The following MSRA variants were observed in gnomAD, a reference collection of about 807,000 sequenced individuals.
MSRA encodes the protein mitochondrial peptide methionine sulfoxide reductase.
A neutral mutation model predicts 31.3 loss-of-function variants in MSRA; 54 were observed. That is an observed-to-expected ratio of 1.73 (90% CI 1.39 to 2.17). MSRA has a LOEUF of 2.17. Among genes scored for constraint, MSRA ranks in the 30% most tolerant of loss-of-function variants. The pLI is 0.00. For synonymous variants in MSRA, 169 were observed against 116.5 expected (o/e 1.45, Z -2.90); for missense variants, 507 against 300.9 (o/e 1.69, Z -5.07).
At position 10,428,279 on chromosome 8, in the gene MSRA, C is replaced by A; in HGVS notation, c.675C>A (p.Thr225=). ...NPNGYCGLGG[T]GVSCPVGIKK ...ATGGCTACTGCGGCCTTGGGGGCACCGGCGTGTCCTGCCCAGTGGGTATTA... is the reference window on the plus strand; with the variant it reads ...ATGGCTACTGCGGCCTTGGGGGCACAGGCGTGTCCTGCCCAGTGGGTATTA... Residue 225 remains threonine (T), a synonymous_variant, in exon 6 of 6, where the codon ACC becomes ACA. Coordinates refer to ENST00000317173, the MANE Select transcript of MSRA (RefSeq NM_012331.5). 1 of 1,613,952 alleles carries A rather than the reference C, an allele frequency of 6.2e-7. No individual in the cohort carries two copies. Among genetic ancestry groups the A allele is most frequent in the Non-Finnish European group, 8.5e-7 (1 of 1,179,944 alleles).
intron 3 of MSRA, among the ~76,000 whole-genome samples, chr8:10,285,280 G>T (rs911990848): frequency 7.9e-5 from 12 of 152,192 alleles, no homozygotes; most frequent in Non-Finnish European, 1.5e-4. Context: ...CATTTAATTT[G>T]ACAGTATTTT....
At chr8:10,393,500 A>G (rs1806893034) in intron 5 of MSRA, among the ~76,000 whole-genome samples, 2 of 152,164 alleles carry the variant, frequency 1.3e-5, no homozygotes, top group Admixed American at 6.5e-5. Flanking sequence ...TCAGCATGTG[A>G]CGGTGTTTGC....
chr8:10,319,431 A>C (rs1801916360), intron 4 of MSRA, among the ~76,000 whole-genome samples: 1 of 152,156 alleles, frequency 6.6e-6, no homozygotes, highest in Non-Finnish European at 1.5e-5. Flanking sequence ...GCTATGTGCC[A>C]AGCACCGTGC....
At chr8:10,087,382 A>G (rs1798616136) in intron 1 of MSRA, among the ~76,000 whole-genome samples, 1 of 152,144 alleles carries the variant, frequency 6.6e-6, no homozygotes, top group African/African-American at 2.4e-5. Context: ...GAGCTCCATG[A>G]TGGCAGGGGC....
chr8:10,213,916 A>G (rs1809748506), intron 2 of MSRA, among the ~76,000 whole-genome samples: 3 of 152,098 alleles, frequency 2.0e-5, no homozygotes, highest in Admixed American at 1.3e-4. Context: ...TTTTTGGTGA[A>G]AGGTAAGATT....
intron 5 of MSRA, among the ~76,000 whole-genome samples, chr8:10,328,144 T>C (rs1209222979): frequency 6.7e-6 from 1 of 149,126 alleles, no homozygotes; most frequent in Non-Finnish European, 1.5e-5. Flanking sequence ...AACTGTCTAC[T>C]TGTTATCGCC....
intron 1 of MSRA, among the ~76,000 whole-genome samples, chr8:10,101,614 C>G (rs1039470370): frequency 2.0e-5 from 3 of 152,166 alleles, no homozygotes; most frequent in Non-Finnish European, 2.9e-5. Flanking sequence ...CTTCAGGTAC[C>G]TCATATAAGT....
intron 5 of MSRA, among the ~76,000 whole-genome samples, chr8:10,332,494 T>G (rs1306709303): frequency 6.6e-6 from 1 of 150,598 alleles, no homozygotes; most frequent in Non-Finnish European, 1.5e-5. Context: ...ATAAAATTCT[T>G]CTTAGTCCCT....
intron 1 of MSRA, among the ~76,000 whole-genome samples, chr8:10,159,548 A>G (rs1256516839): frequency 1.3e-5 from 2 of 152,232 alleles, no homozygotes; most frequent in Admixed American, 6.5e-5. Flanking sequence ...TTTTTACTCA[A>G]TATGGAATAC....
At chr8:10,188,132 A>G (rs2129052603) in intron 1 of MSRA, among the ~76,000 whole-genome samples, 2 of 152,376 alleles carry the variant, frequency 1.3e-5, no homozygotes, top group Admixed American at 1.3e-4. Flanking sequence ...ATGTGCCTTT[A>G]CACCAGCTTC....
chr8:10,070,748 A>G (rs1797693385), intron 1 of MSRA, among the ~76,000 whole-genome samples: 1 of 152,234 alleles, frequency 6.6e-6, no homozygotes, highest in Non-Finnish European at 1.5e-5. Flanking sequence ...AAACGATGTC[A>G]TATAGTATGT....
At chr8:10,111,351 T>C (rs1800264975) in intron 1 of MSRA, among the ~76,000 whole-genome samples, 1 of 152,146 alleles carries the variant, frequency 6.6e-6, no homozygotes, top group South Asian at 2.1e-4. Context: ...CTCATTGAGA[T>C]GCTACACCAC....
intron 2 of MSRA, among the ~76,000 whole-genome samples, chr8:10,243,903 A>C: frequency 6.6e-6 from 1 of 152,172 alleles, no homozygotes; most frequent in Admixed American, 6.5e-5. Flanking sequence ...ATTTGGCCTT[A>C]TATTTTTATT....
intron 1 of MSRA, among the ~76,000 whole-genome samples, chr8:10,179,212 A>G (rs1806325963): frequency 6.6e-6 from 1 of 152,204 alleles, no homozygotes; most frequent in Admixed American, 6.5e-5. Context: ...CAGAATCATC[A>G]TCTATTTTTT....
At chr8:10,296,115 G>T (rs1469594631) in intron 3 of MSRA, among the ~76,000 whole-genome samples, 1 of 152,138 alleles carries the variant, frequency 6.6e-6, no homozygotes, top group Non-Finnish European at 1.5e-5. Flanking sequence ...CTAGGGTGTG[G>T]ATGAAGGCTG....
chr8:10,404,580 C>G (rs1807681117), intron 5 of MSRA, among the ~76,000 whole-genome samples: 1 of 152,266 alleles, frequency 6.6e-6, no homozygotes, highest in South Asian at 2.1e-4. Context: ...GCAGCTGCTT[C>G]TGACAGGTGC....
chr8:10,270,823 A>G (rs372317588), intron 3 of MSRA, among the ~76,000 whole-genome samples: 16 of 152,362 alleles, frequency 1.1e-4, no homozygotes, highest in African/African-American at 3.4e-4. Context: ...GAAGAGAGTT[A>G]TGAAGCCAGG....
chr8:10,350,011 C>T (rs1248554172), intron 5 of MSRA, among the ~76,000 whole-genome samples: 1 of 152,242 alleles, frequency 6.6e-6, no homozygotes, highest in Non-Finnish European at 1.5e-5. Flanking sequence ...TTAAACAGGC[C>T]TCCCTGAGTA....
chr8:10,325,055 G>T (rs1278661399), intron 5 of MSRA, among the ~76,000 whole-genome samples: 1 of 152,188 alleles, frequency 6.6e-6, no homozygotes, highest in African/African-American at 2.4e-5. Context: ...TACTGTGGCT[G>T]GCCTAGCAAG....
Sources: gnomAD v4.1 joint callset for allele counts (sites outside exome capture counted in the v4.1 genomes callset) on GRCh38, gnomAD v4.1.1 for gene constraint, MANE v1.5 for transcripts, NCBI Gene and HGNC (gene_info 2026-07-23, HGNC 2026-07-21) for gene names.